Variants in SUGCT observed in about 807,000 individuals in gnomAD.
SUGCT encodes succinyl-CoA:glutarate-CoA transferase.
A neutral mutation model predicts 55.0 loss-of-function variants in SUGCT; 41 were observed. The ratio of observed to expected loss-of-function variants is 0.74; its 90% CI spans 0.58 to 0.97. The LOEUF is 0.97. Among genes scored for constraint, SUGCT ranks in the 50% least tolerant of loss-of-function variants. The pLI, the probability that SUGCT is intolerant of heterozygous loss-of-function variation, is 0.00. For synonymous variants in SUGCT, 187 were observed against 200.4 expected (o/e 0.93, Z 0.56); for missense variants, 568 against 547.8 (o/e 1.04, Z -0.37).
At chr7:40,744,273 A>G (rs1320964937) in intron 12 of SUGCT, among the ~76,000 whole-genome samples, 1 of 152,066 alleles carries the variant, frequency 6.6e-6, no homozygotes, top group Non-Finnish European at 1.5e-5. Flanking sequence ...GCCTTGCCCA[A>G]GATCACCCTC....
chr7:40,600,923 G>T (rs1487128826), intron 12 of SUGCT, among the ~76,000 whole-genome samples: 1 of 151,986 alleles, frequency 6.6e-6, no homozygotes, highest in Admixed American at 6.6e-5. Flanking sequence ...AGGTACTTAT[G>T]TTCAACACTA....
intron 9 of SUGCT, among the ~76,000 whole-genome samples, chr7:40,394,830 C>T (rs549269068): frequency 3.3e-5 from 5 of 152,246 alleles, no homozygotes; most frequent in African/African-American, 1.2e-4. Flanking sequence ...ACACACTGTC[C>T]TCCAGATTCA....
intron 12 of SUGCT, among the ~76,000 whole-genome samples, chr7:40,513,335 T>TG (rs1185400030): frequency 1.3e-5 from 2 of 152,122 alleles, no homozygotes; most frequent in African/African-American, 4.8e-5. Context: ...GTGCTTCAGG[T>TG]TACCAGAAAT....
At chr7:40,205,698 T>G (rs1786934682) in intron 6 of SUGCT, among the ~76,000 whole-genome samples, 1 of 151,542 alleles carries the variant, frequency 6.6e-6, no homozygotes, top group Non-Finnish European at 1.5e-5. Flanking sequence ...AGAAGAGCTC[T>G]GCTGGGTGTA....
At chr7:40,801,862 C>T (rs536481036) in intron 13 of SUGCT, among the ~76,000 whole-genome samples, 1 of 151,806 alleles carries the variant, frequency 6.6e-6, no homozygotes, top group Non-Finnish European at 1.5e-5. Flanking sequence ...AAAATGCCCT[C>T]ATAAGTGCAT....
chr7:40,665,476 T>G (rs923753863), intron 12 of SUGCT, among the ~76,000 whole-genome samples: 6 of 149,626 alleles, frequency 4.0e-5, no homozygotes, highest in Non-Finnish European at 8.9e-5. Context: ...AATAAATAAA[T>G]AAAGTACTGG....
intron 12 of SUGCT, among the ~76,000 whole-genome samples, chr7:40,502,458 T>A (rs530855643): frequency 7.8e-4 from 118 of 152,162 alleles, no homozygotes; most frequent in Middle Eastern, 6.8e-3. Context: ...ATGATTTAAA[T>A]TGTGTAATGG....
intron 9 of SUGCT, among the ~76,000 whole-genome samples, chr7:40,418,595 A>G (rs1032523718): frequency 2.6e-5 from 4 of 152,144 alleles, no homozygotes; most frequent in Non-Finnish European, 5.9e-5. Flanking sequence ...GCAGACATTG[A>G]TCAGGTCCCT....
the SUGCT span, among the ~76,000 whole-genome samples, chr7:40,874,162 T>C: frequency 1.3e-5 from 2 of 152,210 alleles, no homozygotes; most frequent in African/African-American, 4.8e-5. Context: ...TTTCAGATGA[T>C]AGCTGGGGAC....
intron 13 of SUGCT, among the ~76,000 whole-genome samples, chr7:40,812,812 T>G (rs920642050): frequency 1.3e-5 from 2 of 152,158 alleles, no homozygotes; most frequent in African/African-American, 4.8e-5. Context: ...GAGATTAGAT[T>G]GTTAATTTGA....
chr7:40,884,140 G>T, the SUGCT span, among the ~76,000 whole-genome samples: 1 of 152,126 alleles, frequency 6.6e-6, no homozygotes, highest in Non-Finnish European at 1.5e-5. Context: ...CCTGGGATCA[G>T]ACTCATTCCA....
chr7:40,718,369 C>T (rs1488538217), intron 12 of SUGCT, among the ~76,000 whole-genome samples: 1 of 152,166 alleles, frequency 6.6e-6, no homozygotes, highest in Non-Finnish European at 1.5e-5. Context: ...CACATTTTAA[C>T]ATCTGTTTTT....
At chr7:40,958,519 T>G in the SUGCT span, among the ~76,000 whole-genome samples, 2 of 151,854 alleles carry the variant, frequency 1.3e-5, no homozygotes, top group East Asian at 3.9e-4. Flanking sequence ...ATCAGGTCAT[T>G]TATGTTCTTC....
chr7:40,901,299 C>G, the SUGCT span, among the ~76,000 whole-genome samples: 6 of 152,202 alleles, frequency 3.9e-5, no homozygotes, highest in East Asian at 1.2e-3. Flanking sequence ...TTGGCTGGTC[C>G]TAAATCTCCT....
In SUGCT at chr7:40,629,869, C is replaced by T. The variant is rs146816621; in HGVS notation, c.1090-119565C>T. Among the ~76,000 whole-genome samples the T allele has an allele frequency of 2.9e-3, 441 of 152,260 alleles. 1 individual carries two copies. The highest frequency in any genetic ancestry group is 5.3e-3 in the Admixed American group (81 of 15,290). On this transcript the variant is annotated intron_variant, in intron 12 of 13. Transcript: ENST00000335693. Reference sequence around the variant, plus strand: ...ACTCTTGAAAAGATCTGTTAATCCACAAGAGGAGCTCATTTTGTGACCTGC... The same window carrying T: ...ACTCTTGAAAAGATCTGTTAATCCATAAGAGGAGCTCATTTTGTGACCTGC...
chr7:40,241,946 C>G (rs1187414620), intron 7 of SUGCT, among the ~76,000 whole-genome samples: 1 of 147,576 alleles, frequency 6.8e-6, no homozygotes, highest in Admixed American at 6.8e-5. Flanking sequence ...CCGTCTTTAT[C>G]ATGTGATTTT....
intron 5 of SUGCT, among the ~76,000 whole-genome samples, chr7:40,194,164 AGGT>A (rs1375865375): frequency 1.3e-5 from 2 of 152,200 alleles, no homozygotes; most frequent in African/African-American, 4.8e-5. Flanking sequence ...TGCATCTGAA[AGGT>A]GTGAAAACAT....
intron 12 of SUGCT, among the ~76,000 whole-genome samples, chr7:40,621,634 A>G (rs1424243669): frequency 6.6e-6 from 1 of 152,190 alleles, no homozygotes; most frequent in Non-Finnish European, 1.5e-5. Context: ...CGGTGATAAA[A>G]GGAAGAAGGG....
At chr7:40,388,688 T>A (rs78017680) in intron 9 of SUGCT, among the ~76,000 whole-genome samples, 16,761 of 152,174 alleles carry the variant, frequency 0.11, 1,381 homozygotes, top group East Asian at 0.48. Context: ...AGTGCCAGGA[T>A]TACAGGCATG....
Sources: allele counts gnomAD v4.1 joint callset (sites outside exome capture counted in the v4.1 genomes callset), GRCh38; gene constraint gnomAD v4.1.1; transcripts MANE v1.5; gene names NCBI Gene and HGNC (gene_info 2026-07-23, HGNC 2026-07-21).